KAZN: variants seen among roughly 807,000 people sequenced by gnomAD.
The protein encoded by KAZN is kazrin, periplakin interacting protein.
KAZN carries 40 observed loss-of-function variants against 87.4 expected under a neutral mutation model. The ratio of observed to expected loss-of-function variants is 0.46; its 90% CI spans 0.36 to 0.60. KAZN has a LOEUF of 0.60. Among genes scored for constraint, KAZN ranks in the 20% least tolerant of loss-of-function variants. The probability of loss-of-function intolerance (pLI) is 0.00; values close to 1 mark genes in which losing one functional copy is unlikely to be tolerated. For missense variants in KAZN, 898 were observed against 1,073.9 expected (o/e 0.84, Z 2.29); for synonymous variants, 466 against 458.3 (o/e 1.02, Z -0.22).
At chr1:14,303,998 C>T (rs1049221473) in intron 2 of KAZN, among the ~76,000 whole-genome samples, 4 of 152,182 alleles carry the variant, frequency 2.6e-5, no homozygotes, top group Non-Finnish European at 5.9e-5. Context: ...AAAATGTTAG[C>T]GAGCTTGTTT....
At chr1:14,484,867 G>A (rs2148398027) in intron 2 of KAZN, among the ~76,000 whole-genome samples, 2 of 152,324 alleles carry the variant, frequency 1.3e-5, no homozygotes. Flanking sequence ...AAAAAAGTGA[G>A]TGGAAATGCC....
chr1:14,671,203 G>T (rs866690555), intron 1 of KAZN, among the ~76,000 whole-genome samples: 4 of 152,178 alleles, frequency 2.6e-5, no homozygotes, highest in African/African-American at 9.7e-5. Flanking sequence ...TCTCCACAGC[G>T]CATGCTGCTA....
chr1:14,453,122 A>AT (rs1486568637), intron 2 of KAZN, among the ~76,000 whole-genome samples: 2 of 151,992 alleles, frequency 1.3e-5, no homozygotes, highest in South Asian at 2.1e-4. Flanking sequence ...CACCTGGCTA[A>AT]TTTTTTGTAT....
intron 1 of KAZN, among the ~76,000 whole-genome samples, chr1:14,690,021 C>T (rs1049279066): frequency 6.6e-6 from 1 of 152,156 alleles, no homozygotes; most frequent in African/African-American, 2.4e-5. Flanking sequence ...TTCCTAAGCC[C>T]TGCTCTAAGG....
chr1:14,114,922 T>A (rs535572882), intron 1 of KAZN, among the ~76,000 whole-genome samples: 1 of 152,348 alleles, frequency 6.6e-6, no homozygotes, highest in African/African-American at 2.4e-5. Flanking sequence ...GGTAAATTGG[T>A]TCACTTGCTT....
chr1:14,161,448 A>C (rs1167171620), intron 1 of KAZN, among the ~76,000 whole-genome samples: 3 of 152,254 alleles, frequency 2.0e-5, no homozygotes, highest in Non-Finnish European at 4.4e-5. Context: ...GCTACTATTT[A>C]GTAAGATACC....
chr1:14,990,746 ATGT>A (rs1557692719), intron 2 of KAZN, among the ~76,000 whole-genome samples: 1 of 151,730 alleles, frequency 6.6e-6, no homozygotes, highest in Non-Finnish European at 1.5e-5. Context: ...TGCCTGTTAT[ATGT>A]TGTTATGCCC....
At chr1:14,234,074 A>T (rs1241488117) in intron 2 of KAZN, among the ~76,000 whole-genome samples, 1 of 152,218 alleles carries the variant, frequency 6.6e-6, no homozygotes, top group Non-Finnish European at 1.5e-5. Context: ...ATTATGAATC[A>T]TTCTACTATA....
intron 2 of KAZN, among the ~76,000 whole-genome samples, chr1:14,444,976 A>G (rs1666900058): frequency 6.6e-6 from 1 of 151,932 alleles, no homozygotes; most frequent in Non-Finnish European, 1.5e-5. Flanking sequence ...GAGGTCTTTA[A>G]TCAAGTTAAA....
intron 8 of KAZN, among the ~76,000 whole-genome samples, chr1:15,093,124 C>A (rs1479636087): frequency 2.6e-5 from 4 of 152,120 alleles, no homozygotes; most frequent in Non-Finnish European, 5.9e-5. Context: ...ACGGAGCCTC[C>A]TTCTGATGAA....
intron 4 of KAZN, among the ~76,000 whole-genome samples, chr1:15,044,730 CAAAAA>C (rs35013376): frequency 9.0e-6 from 1 of 110,596 alleles, no homozygotes; most frequent in Non-Finnish European, 2.0e-5. Context: ...CTGTCTCAAA[CAAAAA>C]AAAAAAAAGG....
At chr1:14,049,910 G>T (rs1642238583) in intron 1 of KAZN, among the ~76,000 whole-genome samples, 1 of 152,240 alleles carries the variant, frequency 6.6e-6, no homozygotes, top group African/African-American at 2.4e-5. Context: ...GCCTGACACG[G>T]TGGGACCTTC....
At chr1:14,216,525 A>C (rs1396983931) in intron 2 of KAZN, among the ~76,000 whole-genome samples, 5 of 152,206 alleles carry the variant, frequency 3.3e-5, no homozygotes, top group African/African-American at 9.6e-5. Flanking sequence ...TATGTTTTGA[A>C]AACTGCATGA....
At chr1:14,965,452 G>A (rs1365289553) in intron 2 of KAZN, among the ~76,000 whole-genome samples, 1 of 152,136 alleles carries the variant, frequency 6.6e-6, no homozygotes, top group Admixed American at 6.5e-5. Context: ...ATTTCTCCGC[G>A]AATCAAGGCA....
chr1:14,498,102 C>T (rs1670046354), intron 2 of KAZN, among the ~76,000 whole-genome samples: 1 of 152,218 alleles, frequency 6.6e-6, no homozygotes, highest in Admixed American at 6.5e-5. Context: ...GAAACGTTCC[C>T]TGACTTTGCT....
rs141530975 is a variant in KAZN at position 14,739,747 on chromosome 1, G to A, written c.226+140524G>A. Among the ~76,000 whole-genome samples the A allele has an allele frequency of 4.9e-4, 74 of 151,694 alleles. 1 individual carries two copies. The East Asian group carries it at 6.6e-3, about 14-fold the overall frequency. On this transcript the variant is annotated intron_variant, in intron 1 of 14. Coordinates refer to ENST00000376030, the MANE Select transcript of KAZN (RefSeq NM_201628.3). ...AAGTCAGCCCAGCCAAAGGAATGAC[G>A]GATTCAAAAAAAGTGGAAAGCTTCG... is the stretch of plus-strand genomic sequence containing the variant.
chr1:14,396,837 A>G (rs1662938960), intron 2 of KAZN, among the ~76,000 whole-genome samples: 1 of 152,066 alleles, frequency 6.6e-6, no homozygotes, highest in South Asian at 2.1e-4. Context: ...CCTGTCACCT[A>G]AATGCCTTTT....
At chr1:14,228,481 G>T (rs557346966) in intron 2 of KAZN, among the ~76,000 whole-genome samples, 3 of 152,342 alleles carry the variant, frequency 2.0e-5, no homozygotes, top group Non-Finnish European at 4.4e-5. Context: ...GGGGATAGAA[G>T]CAGTGTTCTG....
intron 1 of KAZN, among the ~76,000 whole-genome samples, chr1:14,026,518 C>T (rs1641076386): frequency 6.6e-6 from 1 of 152,160 alleles, no homozygotes; most frequent in Non-Finnish European, 1.5e-5. Context: ...ATCTATGCTA[C>T]CTGAGGCAGG....
Sources: gnomAD v4.1 joint callset for allele counts (sites outside exome capture counted in the v4.1 genomes callset) on GRCh38, gnomAD v4.1.1 for gene constraint, MANE v1.5 for transcripts, NCBI Gene and HGNC (gene_info 2026-07-23, HGNC 2026-07-21) for gene names.